Variants in EIF1AY observed in about 807,000 individuals in gnomAD.
EIF1AY encodes the protein eukaryotic translation initiation factor 1A, Y-chromosomal.
For synonymous variants in EIF1AY, 16 were observed against 9.9 expected (o/e 1.62, Z -1.16); for missense variants, 19 against 30.6 (o/e 0.62, Z 0.89).
Position 20,584,535 on chromosome Y carries a change from C to G in EIF1AY, c.255+11C>G, listed in dbSNP as rs760828225. On this transcript the variant is annotated intron_variant, in intron 4 of 6. Coordinates refer to ENST00000361365, the MANE Select transcript of EIF1AY (RefSeq NM_004681.4). ...CTACGGGACTATCAGGTAAAAATAA[C>G]ATTTAAAGTTGTGGTATGTCTGTGT... 4 of 299,727 alleles carry G rather than the reference C, an allele frequency of 1.3e-5. No homozygotes were observed. In the South Asian group the frequency reaches 1.8e-4, roughly 14 times the overall value. 74.8% of individuals were successfully genotyped at this position (299,727 alleles called of 400,897 possible).
At chrY:20,578,568 G>C in intron 1 of EIF1AY, among the ~76,000 whole-genome samples, 1 of 33,551 alleles carries the variant, frequency 3.0e-5, no homozygotes, top group African/African-American at 1.2e-4. Context: ...ATCAGAATCT[G>C]GATAAATCAC....
chrY:20,590,478 A>G, intron 6 of EIF1AY, among the ~76,000 whole-genome samples: 2 of 31,419 alleles, frequency 6.4e-5, no homozygotes, highest in African/African-American at 1.3e-4. Context: ...TGCTAAAAAT[A>G]TAAAAATTAG....
intron 1 of EIF1AY, 63 bp from the exon 2 acceptor site, chrY:20,579,545 T>A: frequency 4.5e-6 from 1 of 222,482 alleles, no homozygotes; most frequent in Non-Finnish European, 7.1e-6. Context: ...TTTTATAGTT[T>A]AGTTTATATG....
chrY:20,578,211 C>T (rs773760207), intron 1 of EIF1AY, among the ~76,000 whole-genome samples: 2 of 32,798 alleles, frequency 6.1e-5, no homozygotes, highest in African/African-American at 1.2e-4. Flanking sequence ...TGAGCATGGG[C>T]CATATGTGGA....
chrY:20,586,696 G>T, intron 4 of EIF1AY: 2 of 33,715 alleles, frequency 5.9e-5, no homozygotes, highest in Non-Finnish European at 1.5e-4. Flanking sequence ...TTTTGACCAT[G>T]TTTGTCAATG....
At chrY:20,580,948 C>T (rs1458161442) in intron 2 of EIF1AY, among the ~76,000 whole-genome samples, 1 of 33,573 alleles carries the variant, frequency 3.0e-5, no homozygotes, top group Non-Finnish European at 7.4e-5. Flanking sequence ...GAGTGCTAAC[C>T]TCATAGGTAA....
intron 2 of EIF1AY, 149 bp from the exon 3 acceptor site, chrY:20,582,441 C>A (rs2089351327): frequency 6.9e-6 from 1 of 145,593 alleles, no homozygotes; most frequent in Non-Finnish European, 1.3e-5. Context: ...AAACTCCTGA[C>A]CTCAGGCAAT....
At position 20,575,799 on chromosome Y, in the gene EIF1AY, G is replaced by A; in HGVS notation, c.-73G>A. 2.9e-6 allele frequency: 1 copy of A among 344,835 alleles called. No homozygotes were observed. The highest frequency in any genetic ancestry group is 3.3e-5 in the South Asian group (1 of 30,325). 86.0% of individuals were successfully genotyped at this position (344,835 alleles called of 400,897 possible). On this transcript the variant is annotated 5_prime_UTR_variant, in exon 1 of 7. Coordinates refer to ENST00000361365, the MANE Select transcript of EIF1AY (RefSeq NM_004681.4). ...CTGCGCACCCACCTGCTGCATCTTA[G>A]TTCAGTCGGCTCTTAGAGTAGTAAC...
chrY:20,582,992 G>A (rs2089351980), intron 3 of EIF1AY, among the ~76,000 whole-genome samples: 1 of 33,681 alleles, frequency 3.0e-5, no homozygotes, highest in Non-Finnish European at 7.4e-5. Context: ...AGATGTTAAT[G>A]CTGTGAAAGA....
chrY:20,585,601 A>G, intron 4 of EIF1AY, among the ~76,000 whole-genome samples: 1 of 33,719 alleles, frequency 3.0e-5, no homozygotes, highest in African/African-American at 1.2e-4. Flanking sequence ...TTTCATTACT[A>G]TAAGTGGCAT....
At chrY:20,579,104 T>G in intron 1 of EIF1AY, among the ~76,000 whole-genome samples, 4 of 33,986 alleles carry the variant, frequency 1.2e-4, no homozygotes, top group Admixed American at 2.7e-4. Flanking sequence ...ATTAAATTAT[T>G]AAGTATACTT....
Position 20,592,381 on chromosome Y carries a change from G to A in EIF1AY, c.*35G>A. ...AGTGTTTTTACATGACAAGTTCTCT[G>A]AGGATGGTTCTACAGTTGGGATTTT... On this transcript the variant is annotated 3_prime_UTR_variant, in exon 7 of 7. Transcript: ENST00000361365. The A allele has an allele frequency of 2.8e-6, 1 of 360,240 alleles. No homozygotes were observed. The highest frequency in any genetic ancestry group is 3.9e-6 in the Non-Finnish European group (1 of 256,550). The allele number at this position is 360,240 out of a possible 400,897, so 89.9% of individuals were successfully genotyped here.
At chrY:20,587,822 A>T (rs2089355874) in intron 4 of EIF1AY, 1 of 106,783 alleles carries the variant, frequency 9.4e-6, no homozygotes, top group Non-Finnish European at 1.8e-5. Context: ...ACTGTTTACT[A>T]ATGAACATAA....
intron 4 of EIF1AY, 57 bp from the exon 5 acceptor site, chrY:20,587,967 A>C (rs13447352): frequency 0.067 from 16,667 of 248,783 alleles, no homozygotes; most frequent in Middle Eastern, 0.49. Context: ...TAACTTGTGA[A>C]ACAACTGGTG....
chrY:20,580,199 T>C (rs2089349618), intron 2 of EIF1AY, among the ~76,000 whole-genome samples: 1 of 32,877 alleles, frequency 3.0e-5, no homozygotes. Flanking sequence ...AGGGTGCCAC[T>C]GTATTCAGCC....
At chrY:20,589,029 A>G (rs2089356797) in intron 5 of EIF1AY, 1 of 35,004 alleles carries the variant, frequency 2.9e-5, no homozygotes. Context: ...TTTGAAGGCT[A>G]CATGGAAATG....
At chrY:20,582,463 G>T in intron 2 of EIF1AY, 127 bp from the exon 3 acceptor site, 1 of 166,833 alleles carries the variant, frequency 6.0e-6, no homozygotes, top group Non-Finnish European at 1.1e-5. Context: ...CACCTGCCTT[G>T]GCCTCCCAAA....
intron 4 of EIF1AY, chrY:20,586,814 C>T: frequency 5.9e-5 from 2 of 33,886 alleles, no homozygotes; most frequent in Non-Finnish European, 1.5e-4. Flanking sequence ...TACACATTGA[C>T]TTTGTTTCTT....
rs2089360192 is a variant in EIF1AY, at chrY:20,592,996, G to A, written c.*650G>A. ...TATAAGATTAAGAGTTAAAGAAACC[G>A]AACAATAAGTGGCAACCAATTATCT... On this transcript the variant is annotated 3_prime_UTR_variant, in exon 7 of 7. Coordinates refer to ENST00000361365, the MANE Select transcript of EIF1AY (RefSeq NM_004681.4). 1 of 33,729 alleles carries A rather than the reference G, an allele frequency of 3.0e-5. No homozygotes were observed. The highest frequency in any genetic ancestry group is 7.7e-4 in the East Asian group (1 of 1,302). 8.4% of individuals were successfully genotyped at this position (33,729 alleles called of 400,897 possible).
Sources: gnomAD v4.1 joint callset for allele counts (sites outside exome capture counted in the v4.1 genomes callset) on GRCh38, gnomAD v4.1.1 for gene constraint, MANE v1.5 for transcripts, NCBI Gene and HGNC (gene_info 2026-07-23, HGNC 2026-07-21) for gene names.